Variants in VILL observed in about 807,000 individuals in gnomAD.
The protein encoded by VILL is villin-like protein.
VILL carries 102 observed loss-of-function variants against 106.3 expected under a neutral mutation model. The observed-to-expected ratio is 0.96, with a 90% confidence interval of 0.82 to 1.13. The LOEUF (loss-of-function observed/expected upper bound fraction) is 1.13, where lower values mean the gene tolerates loss of function less well. Among genes scored for constraint, VILL ranks in the 50% most tolerant of loss-of-function variants. The pLI is 0.00. For missense variants in VILL, 1,076 were observed against 1,116.6 expected, an observed-to-expected ratio of 0.96 and a Z score of 0.52; for synonymous variants, 431 against 440.3, an observed-to-expected ratio of 0.98 and a Z score of 0.27.
At position 38,001,572 on chromosome 3, in the gene VILL, G is replaced by A. The variant is rs762456033; in HGVS notation, c.1299G>A (p.Gln433=). 1.9e-6 allele frequency: 3 copies of A among 1,614,058 alleles called. No homozygotes were observed. Among genetic ancestry groups the A allele is most frequent in the Non-Finnish European group, 8.5e-7 (1 of 1,180,030 alleles). Residue 433 remains glutamine (Q), a synonymous_variant, in exon 12 of 20, where the codon CAG becomes CAA. Transcript: ENST00000383759. ...CATACCAGAGGCTGGGCCGTGTCCAGTACATCCTGTACCTATGGCAGGTGT... is the reference window on the plus strand; with the variant it reads ...CATACCAGAGGCTGGGCCGTGTCCAATACATCCTGTACCTATGGCAGGTGT... ...LYTYQRLGRV[Q]YILYLWQGHQ... is the part of the protein sequence containing the mutation.
Position 37,999,056 on chromosome 3 carries a change from CGGGCGGGGCGGGGCTGACGG to C in VILL, c.1081+19_1081+38del, listed in dbSNP as rs762294878. On this transcript the variant is annotated splice_region_variant and intron_variant, in intron 10 of 19. Coordinates refer to ENST00000383759, the MANE Select transcript of VILL (RefSeq NM_015873.4). ...CCAGAAGCTCGGCGGGAGGGGTGAG[CGGGCGGGGCGGGGCTGACGG>C]GGGCGGGGCGGGACTGGCGGGGGCG... 5.1e-5 allele frequency: 20 copies of C among 388,632 alleles called. No homozygotes were observed. In the East Asian group the frequency reaches 1.1e-3, roughly 21 times the overall value. 24.1% of individuals were successfully genotyped at this position (388,632 alleles called of 1,614,324 possible).
At position 37,998,904 on chromosome 3, in the gene VILL, C is replaced by A. The variant is rs767807085; in HGVS notation, c.943-8C>A. On this transcript the variant is annotated splice_polypyrimidine_tract_variant and splice_region_variant and intron_variant, in intron 9 of 19. Transcript: ENST00000383759. This position sits in a 1 kb window ranked among gnomAD's most constrained non-coding sequence, Gnocchi z 4.1. Reference sequence around the variant, plus strand: ...GGGTCGCAGGACTGACGATGCCTTCCGCCCCAGGGCTTCATCCAGGCCAAG... The same window carrying A: ...GGGTCGCAGGACTGACGATGCCTTCAGCCCCAGGGCTTCATCCAGGCCAAG... The A allele has an allele frequency of 1.3e-6, 2 of 1,587,232 alleles. No individual in the cohort carries two copies. Among genetic ancestry groups the A allele is most frequent in the Middle Eastern group, 1.7e-4 (1 of 5,974 alleles).
chr3:37,999,588 T>C (rs867911344), intron 11 of VILL, 149 bp downstream of exon 11: 2 of 557,296 alleles, frequency 3.6e-6, no homozygotes, highest in Middle Eastern at 2.7e-4. Context: ...ATTTACATAC[T>C]CTCCTAGCAG....
Position 37,997,757 on chromosome 3 carries a change from C to T in VILL, c.764+72C>T, listed in dbSNP as rs1009773814. 90 of 1,492,098 alleles carry T rather than the reference C, an allele frequency of 6.0e-5. No individual in the cohort carries two copies. The highest frequency in any genetic ancestry group is 7.9e-5 in the Non-Finnish European group (87 of 1,106,696). 92.4% of individuals were successfully genotyped at this position (1,492,098 alleles called of 1,614,324 possible). A position where few individuals can be genotyped will look rare whatever the true frequency, so the allele number is the denominator to read the frequency against. On this transcript the variant is annotated intron_variant, in intron 7 of 19. Coordinates refer to ENST00000383759, the MANE Select transcript of VILL (RefSeq NM_015873.4). This position sits in a 1 kb window ranked among gnomAD's most constrained non-coding sequence, Gnocchi z 4.7. ...TCTGTGTCCATCACTACTGCAATAACACGGCATCTCTAGAAGGCCCTCCAG... is the reference window on the plus strand; with the variant it reads ...TCTGTGTCCATCACTACTGCAATAATACGGCATCTCTAGAAGGCCCTCCAG...
intron 3 of VILL, 71 bp from the exon 4 acceptor site, chr3:37,994,190 T>C: frequency 6.5e-7 from 1 of 1,532,414 alleles, no homozygotes; most frequent in Non-Finnish European, 8.8e-7. Context: ...TGGCCCTTGG[T>C]ACATCCTCCC....
rs1412749386 is a variant in VILL, at chr3:38,006,578, A to G, written c.2335A>G (p.Ser779Gly). Residue 779 changes from serine (S) to glycine (G), a missense_variant, in exon 19 of 20, where the codon AGC (serine) becomes GGC (glycine). Coordinates refer to ENST00000383759, the MANE Select transcript of VILL (RefSeq NM_015873.4). ...GGTGCGAAGCCCCAAGTCGGCTGGC[A>G]GCAGAACCAGCAGCTCCGTCAGCAG... is the stretch of plus-strand genomic sequence containing the variant. The part of the protein sequence containing the change: ...DLVRSPKSAG[S>G]RTSSSVSSTS... 3.1e-6 allele frequency: 5 copies of G among 1,614,032 alleles called. No individual in the cohort carries two copies. Among genetic ancestry groups the G allele is most frequent in the Non-Finnish European group, 4.2e-6 (5 of 1,180,030 alleles).
Position 37,999,060 on chromosome 3 carries a change from CGGGGCGGGGCTGACGGGGGCG to C in VILL, c.1081+14_1081+34del. 1 of 246,766 alleles carries C rather than the reference CGGGGCGGGGCTGACGGGGGCG, an allele frequency of 4.1e-6. No individual in the cohort carries two copies. The highest frequency in any genetic ancestry group is 6.3e-6 in the Non-Finnish European group (1 of 157,700). 15.3% of individuals were successfully genotyped at this position (246,766 alleles called of 1,614,324 possible). On this transcript the variant is annotated intron_variant, in intron 10 of 19. Coordinates refer to ENST00000383759, the MANE Select transcript of VILL (RefSeq NM_015873.4). ...AAGCTCGGCGGGAGGGGTGAGCGGG[CGGGGCGGGGCTGACGGGGGCG>C]GGGCGGGACTGGCGGGGGCGGGGCC...
chr3:38,005,999 C>T (rs1251068757), intron 17 of VILL, 25 bp downstream of exon 17: 2 of 1,599,580 alleles, frequency 1.3e-6, no homozygotes, highest in Non-Finnish European at 1.7e-6. Flanking sequence ...AAACCCCCAG[C>T]CCTACCCTAA....
Position 37,994,474 on chromosome 3 carries a change from C to A in VILL, c.341+8C>A, listed in dbSNP as rs1699666697. 1 of 1,610,684 alleles carries A rather than the reference C, an allele frequency of 6.2e-7. No individual in the cohort carries two copies. The highest frequency in any genetic ancestry group is 8.5e-7 in the Non-Finnish European group (1 of 1,179,218). ...CTTCCGCCCGGGAATCATGTGAGTG[C>A]GGGGGCGACCGGGGCAGGAGGGAGC... On this transcript the variant is annotated splice_region_variant and intron_variant, in intron 4 of 19. Coordinates refer to ENST00000383759, the MANE Select transcript of VILL (RefSeq NM_015873.4).
intron 11 of VILL, among the ~76,000 whole-genome samples, chr3:38,000,297 AG>A (rs1242364046): frequency 6.6e-6 from 1 of 152,010 alleles, no homozygotes; most frequent in Non-Finnish European, 1.5e-5. Flanking sequence ...AGAGAGGAGG[AG>A]ATGGGGCAAG....
At position 38,003,294 on chromosome 3, in the gene VILL, C is replaced by T; in HGVS notation, c.1786C>T (p.Pro596Ser). 3 of 1,611,344 alleles carry T rather than the reference C, an allele frequency of 1.9e-6. No homozygotes were observed. The highest frequency in any genetic ancestry group is 1.1e-5 in the South Asian group (1 of 90,598). The change falls in exon 15 of 20, where the codon CCC (proline) becomes TCC (serine). Residue 596 changes from proline to serine, a missense_variant. Coordinates refer to ENST00000383759, the MANE Select transcript of VILL (RefSeq NM_015873.4). ...HFWEALGGRA[P>S]YPSNKRLPEE... ...CTGGGAGGCCCTGGGAGGCCGGGCC[C>T]CCTACCCCAGCAACAAGAGGTAACA...
chr3:37,998,480 G>C lies in VILL; in HGVS notation c.942+116G>C. On this transcript the variant is annotated intron_variant, in intron 9 of 19. Coordinates refer to ENST00000383759, the MANE Select transcript of VILL (RefSeq NM_015873.4). The surrounding 1 kb of genome is among the most constrained non-coding windows in gnomAD (Gnocchi z 4.1). Reference sequence around the variant, plus strand: ...TCAGCCCTCCCCTAGAGTTTGAGTTGGGAAATCCTATGCTGGAGTCTTAAA... The same window carrying C: ...TCAGCCCTCCCCTAGAGTTTGAGTTCGGAAATCCTATGCTGGAGTCTTAAA... The C allele has an allele frequency of 1.1e-6, 1 of 941,526 alleles. No individual in the cohort carries two copies. The highest frequency in any genetic ancestry group is 1.5e-5 in the South Asian group (1 of 64,670). 58.3% of individuals were successfully genotyped at this position (941,526 alleles called of 1,614,324 possible).
At chr3:38,004,773 T>C (rs1699884143) in intron 16 of VILL, among the ~76,000 whole-genome samples, 2 of 152,186 alleles carry the variant, frequency 1.3e-5, no homozygotes, top group Non-Finnish European at 2.9e-5. Context: ...ATCATTCATG[T>C]GTGTGGCTTG....
rs1699654354 is a variant in VILL, at chr3:37,994,056, T to G, written c.135+84T>G. ...TGAGGCACAGGCATAAACTCTGCCC[T>G]GGGAAGCGGCAAGTTGAGAGCCGGA... On this transcript the variant is annotated intron_variant, in intron 3 of 19. Transcript: ENST00000383759. 2.6e-6 allele frequency: 4 copies of G among 1,558,582 alleles called. No individual in the cohort carries two copies. The East Asian group carries it at 9.0e-5, about 35-fold the overall frequency.
rs1460778707 is a variant in VILL, at chr3:37,996,967, G to C, written c.451-110G>C. ...ATTATCTACAGTCACACATGCCTAC[G>C]TACACCCAGTTTGCATACAGCTTCA... On this transcript the variant is annotated intron_variant, in intron 5 of 19. Coordinates refer to ENST00000383759, the MANE Select transcript of VILL (RefSeq NM_015873.4). 3.4e-6 allele frequency: 3 copies of C among 880,070 alleles called. No homozygotes were observed. The South Asian group carries it at 4.4e-5, about 13-fold the overall frequency. 54.5% of individuals were successfully genotyped at this position (880,070 alleles called of 1,614,324 possible).
intron 1 of VILL, among the ~76,000 whole-genome samples, chr3:37,991,682 G>A (rs1699612709): frequency 6.6e-6 from 1 of 151,952 alleles, no homozygotes; most frequent in Non-Finnish European, 1.5e-5. Context: ...AGAGAAGGAG[G>A]GCTTCTAGGA....
intron 11 of VILL, among the ~76,000 whole-genome samples, chr3:37,999,879 A>G (rs975265278): frequency 1.2e-4 from 18 of 152,220 alleles, no homozygotes; most frequent in African/African-American, 4.3e-4. Context: ...ACACAGACAC[A>G]CGATCACACA....
intron 4 of VILL, among the ~76,000 whole-genome samples, chr3:37,994,872 TTTTTG>T (rs1251422621): frequency 6.6e-6 from 1 of 152,288 alleles, no homozygotes; most frequent in Non-Finnish European, 1.5e-5. Flanking sequence ...TGACGGGATC[TTTTTG>T]TTTTAACACA....
chr3:37,991,801 G>T (rs1699614328), intron 1 of VILL, among the ~76,000 whole-genome samples: 1 of 151,766 alleles, frequency 6.6e-6, no homozygotes, highest in Non-Finnish European at 1.5e-5. Context: ...GGGGCACTGT[G>T]GGGGGTTCCC....
Sources: allele counts gnomAD v4.1 joint callset (sites outside exome capture counted in the v4.1 genomes callset), GRCh38; gene constraint gnomAD v4.1.1; non-coding constraint Gnocchi (gnomAD v3.1); transcripts MANE v1.5; gene names NCBI Gene and HGNC (gene_info 2026-07-23, HGNC 2026-07-21).